Variants in TMPRSS11F observed in about 807,000 individuals in gnomAD.
TMPRSS11F encodes the protein transmembrane protease serine 11F.
Under a neutral mutation model 60.2 loss-of-function variants are expected in TMPRSS11F, and 47 were observed. The ratio of observed to expected loss-of-function variants is 0.78; its 90% CI spans 0.62 to 1.00. The LOEUF (loss-of-function observed/expected upper bound fraction) is 1.00. Among genes scored for constraint, TMPRSS11F ranks in the 50% least tolerant of loss-of-function variants. TMPRSS11F has a pLI of 0.00. For synonymous variants in TMPRSS11F, 166 were observed against 167.3 expected, an observed-to-expected ratio of 0.99 and a Z score of 0.06; for missense variants, 519 against 522.9, an observed-to-expected ratio of 0.99 and a Z score of 0.07.
intron 3 of TMPRSS11F, among the ~76,000 whole-genome samples, chr4:68,079,802 G>A (rs1723654745): frequency 6.6e-6 from 1 of 152,092 alleles, no homozygotes; most frequent in African/African-American, 2.4e-5. Context: ...GTAGTCTTTG[G>A]TTTGAACTCC....
chr4:68,082,619 G>A (rs1193025328), intron 3 of TMPRSS11F, among the ~76,000 whole-genome samples: 1 of 152,220 alleles, frequency 6.6e-6, no homozygotes, highest in African/African-American at 2.4e-5. Context: ...GAGCATATCT[G>A]CTCCCCAAGC....
chr4:68,097,111 T>C (rs1031279414), intron 2 of TMPRSS11F, among the ~76,000 whole-genome samples: 2 of 152,234 alleles, frequency 1.3e-5, no homozygotes, highest in Admixed American at 1.3e-4. Context: ...TTTTCAATTA[T>C]CTGCAGTCAG....
In TMPRSS11F at chr4:68,096,442, G is replaced by A. The variant is rs114106739; in HGVS notation, c.163+2445C>T. Among the ~76,000 whole-genome samples the A allele has an allele frequency of 2.9e-3, 442 of 152,216 alleles. 2 individuals are homozygous for A. Among genetic ancestry groups the A allele is most frequent in the Non-Finnish European group, 5.3e-3 (361 of 67,998 alleles). ...TGTTTTTTAAAATGATACCCAAGTA[G>A]CATTGAAAAATTTTATGGAGTTGTA... On this transcript the variant is annotated intron_variant, in intron 2 of 9. Transcript: ENST00000356291.
intron 9 of TMPRSS11F, among the ~76,000 whole-genome samples, chr4:68,056,293 A>G (rs188741489): frequency 1.2e-3 from 184 of 152,286 alleles, no homozygotes; most frequent in Non-Finnish European, 2.4e-3. Context: ...ACCAACAAAA[A>G]GCTGTTAGAA....
chr4:68,117,339 T>C (rs1442108966), intron 1 of TMPRSS11F, among the ~76,000 whole-genome samples: 2 of 151,558 alleles, frequency 1.3e-5, no homozygotes, highest in Admixed American at 1.3e-4. Context: ...AGGTGGCAGG[T>C]GCCTGTAGTC....
chr4:68,090,712 A>G, intron 2 of TMPRSS11F, 71 bp from the exon 3 acceptor site: 1 of 1,525,942 alleles, frequency 6.6e-7, no homozygotes. Flanking sequence ...CGTCTTGCCC[A>G]CACCTGCTAA....
At chr4:68,085,840 A>T (rs1044501336) in intron 3 of TMPRSS11F, among the ~76,000 whole-genome samples, 5 of 152,178 alleles carry the variant, frequency 3.3e-5, no homozygotes, top group Admixed American at 6.5e-5. Context: ...GCCATCCAAA[A>T]TATATATGCA....
At chr4:68,071,900 C>A (rs1007740747) in intron 5 of TMPRSS11F, among the ~76,000 whole-genome samples, 2 of 151,902 alleles carry the variant, frequency 1.3e-5, no homozygotes, top group African/African-American at 4.8e-5. Context: ...TAAAAAATAA[C>A]CCCCAGAAAT....
At chr4:68,081,233 T>C (rs956418393) in intron 3 of TMPRSS11F, among the ~76,000 whole-genome samples, 7 of 152,160 alleles carry the variant, frequency 4.6e-5, no homozygotes, top group Non-Finnish European at 8.8e-5. Context: ...TTCTGCATAG[T>C]GGATGGGAGT....
intron 1 of TMPRSS11F, among the ~76,000 whole-genome samples, chr4:68,109,055 G>A (rs1333329000): frequency 6.6e-6 from 1 of 152,096 alleles, no homozygotes; most frequent in Non-Finnish European, 1.5e-5. Context: ...CCTTTGCTTA[G>A]TCTGATGATG....
At chr4:68,085,435 T>C (rs1723792290) in intron 3 of TMPRSS11F, among the ~76,000 whole-genome samples, 1 of 152,200 alleles carries the variant, frequency 6.6e-6, no homozygotes, top group South Asian at 2.1e-4. Context: ...TTCTAACTGG[T>C]GTGAGATGGT....
chr4:68,062,973 C>G (rs756515021), intron 8 of TMPRSS11F: 7 of 717,198 alleles, frequency 9.8e-6, no homozygotes, highest in Admixed American at 5.3e-5. Context: ...GACCCGTCTT[C>G]GAGAGACTGA....
In TMPRSS11F at chr4:68,064,774, A is replaced by G. The variant is rs1474376876; in HGVS notation, c.926T>C (p.Val309Ala). 1 of 1,614,140 alleles carries G rather than the reference A, an allele frequency of 6.2e-7. No homozygotes were observed. Among genetic ancestry groups the G allele is most frequent in the South Asian group, 1.1e-5 (1 of 91,078 alleles). ...LSTGVEFSNI[V>A]QRVCLPDSSI... ...TGAGTCTGGGAGGCAAACTCTCTGG[A>G]CTATATTTGAAAACTCAACTCCAGT... The change falls in exon 8 of 10, where the codon GTC becomes GCC. Residue 309 changes from valine to alanine, a missense_variant. Transcript: ENST00000356291.
chr4:68,092,006 G>C (rs778831665), intron 2 of TMPRSS11F, among the ~76,000 whole-genome samples: 1 of 151,862 alleles, frequency 6.6e-6, no homozygotes, highest in African/African-American at 2.4e-5. Flanking sequence ...GGCTGGTCTC[G>C]AACTCCTGAC....
intron 8 of TMPRSS11F, chr4:68,061,845 A>T (rs547650231): frequency 4.7e-6 from 2 of 429,410 alleles, no homozygotes; most frequent in South Asian, 3.4e-5. Context: ...CAGCACAGTG[A>T]CTTTGTCTCT....
chr4:68,107,871 A>C (rs1348152329), intron 1 of TMPRSS11F, among the ~76,000 whole-genome samples: 2 of 152,144 alleles, frequency 1.3e-5, no homozygotes, highest in African/African-American at 4.8e-5. Context: ...CAGGAGGCAG[A>C]GGCTGCAGTG....
chr4:68,115,994 C>T (rs10003334), intron 1 of TMPRSS11F, among the ~76,000 whole-genome samples: 47,011 of 151,382 alleles, frequency 0.31, 7,372 homozygotes, highest in East Asian at 0.48. Flanking sequence ...AATGTGAGTC[C>T]TTCAGCTTTT....
chr4:68,071,969 G>A (rs1431288464), intron 5 of TMPRSS11F, among the ~76,000 whole-genome samples: 1 of 151,698 alleles, frequency 6.6e-6, no homozygotes, highest in African/African-American at 2.4e-5. Context: ...CCCAAGGTTT[G>A]CTAATCCCAT....
chr4:68,082,128 C>T (rs1172781279), intron 3 of TMPRSS11F, among the ~76,000 whole-genome samples: 1 of 152,078 alleles, frequency 6.6e-6, no homozygotes. Flanking sequence ...GCTGGCAACC[C>T]TATGTGGTCT....
Sources: gnomAD v4.1 joint callset for allele counts (sites outside exome capture counted in the v4.1 genomes callset) on GRCh38, gnomAD v4.1.1 for gene constraint, MANE v1.5 for transcripts, NCBI Gene and HGNC (gene_info 2026-07-23, HGNC 2026-07-21) for gene names.